The following USP9X variants were observed in gnomAD, a reference collection of about 807,000 sequenced individuals.
USP9X encodes the protein ubiquitin carboxyl-terminal hydrolase 9X.
USP9X carries 7 observed loss-of-function variants against 190.3 expected under a neutral mutation model. The observed-to-expected ratio is 0.04, with a 90% confidence interval of 0.02 to 0.07. USP9X has a LOEUF of 0.07. USP9X is among the 10% of genes least tolerant of loss of function. USP9X has a pLI of 1.00. For missense variants in USP9X, 1,010 were observed against 1,916.9 expected (o/e 0.53, Z 8.83); for synonymous variants, 645 against 659.5 (o/e 0.98, Z 0.34).
At chrX:41,186,896 G>A (rs764942364) in intron 24 of USP9X, among the ~76,000 whole-genome samples, 7 of 107,565 alleles carry the variant, frequency 6.5e-5, no homozygotes, top group African/African-American at 2.0e-4. Context: ...GTGCTATCTC[G>A]GCTCACTGCA....
At chrX:41,140,057 C>T (rs774281189) in intron 6 of USP9X, among the ~76,000 whole-genome samples, 1 of 112,014 alleles carries the variant, frequency 8.9e-6, no homozygotes, top group Non-Finnish European at 1.9e-5. Context: ...ACAGTTCATC[C>T]TGTTGCATGG....
chrX:41,151,842 G>A (rs1467483686), intron 13 of USP9X, among the ~76,000 whole-genome samples: 4 of 112,202 alleles, frequency 3.6e-5, no homozygotes, highest in East Asian at 2.8e-4. Context: ...TTAGCCGGGC[G>A]TGGTGGCATG....
intron 1 of USP9X, among the ~76,000 whole-genome samples, chrX:41,120,056 C>T: frequency 9.0e-6 from 1 of 111,672 alleles, no homozygotes; most frequent in Non-Finnish European, 1.9e-5. Context: ...TGTCTTTAGA[C>T]TCACCAGTAC....
intron 6 of USP9X, among the ~76,000 whole-genome samples, chrX:41,138,087 A>G (rs1164004076): frequency 3.6e-5 from 4 of 111,325 alleles, no homozygotes; most frequent in Admixed American, 9.6e-5. Context: ...CAAGAGTACA[A>G]TTTTTAAAAA....
At chrX:41,131,329 A>G (rs2062314431) in intron 3 of USP9X, 128 bp from the exon 4 acceptor site, 1 of 481,474 alleles carries the variant, frequency 2.1e-6, no homozygotes, top group Non-Finnish European at 3.1e-6. Context: ...TTGTCTTAAT[A>G]TTTTAATGTT....
At chrX:41,209,144 TATA>T (rs1212543643) in intron 32 of USP9X, among the ~76,000 whole-genome samples, 1 of 111,944 alleles carries the variant, frequency 8.9e-6, no homozygotes, top group African/African-American at 3.2e-5. Flanking sequence ...ATCCAAGTAA[TATA>T]ATAACGATTT....
chrX:41,225,056 A>T lies in USP9X; in HGVS notation c.6980A>T (p.Tyr2327Phe), dbSNP rs768106392. 8.3e-7 allele frequency: 1 copy of T among 1,211,641 alleles called. No homozygotes were observed. Among genetic ancestry groups the T allele is most frequent in the East Asian group, 3.0e-5 (1 of 33,860 alleles). Residue 2327 changes from tyrosine (Y) to phenylalanine (F), a missense_variant, in exon 41 of 45, where the codon TAT becomes TTT. This residue lies in a region of USP9X where 121 missense variants were observed against 281.2 expected (regional missense o/e 0.43). Transcript: ENST00000378308. Reference sequence around the variant, plus strand: ...TGTCTTACTTGTTTTTAGGTTGCATATTCCTATACCTATGAACTGCGGCCC... The same window carrying T: ...TGTCTTACTTGTTTTTAGGTTGCATTTTCCTATACCTATGAACTGCGGCCC... ...VLSELLWQVA[Y>F]SYTYELRPYL...
intron 21 of USP9X, among the ~76,000 whole-genome samples, chrX:41,181,155 A>G (rs1488710959): frequency 9.0e-6 from 1 of 111,700 alleles, no homozygotes; most frequent in East Asian, 2.8e-4. Flanking sequence ...GATAAACCAC[A>G]CAACATACCT....
intron 21 of USP9X, among the ~76,000 whole-genome samples, chrX:41,174,361 C>A (rs985382680): frequency 9.0e-6 from 1 of 111,537 alleles, no homozygotes; most frequent in East Asian, 2.8e-4. Flanking sequence ...ACCCCCACCC[C>A]CCATGGATAC....
At chrX:41,223,170 A>T (rs1377782441) in intron 38 of USP9X, 47 bp from the exon 39 acceptor site, 1 of 1,151,783 alleles carries the variant, frequency 8.7e-7, no homozygotes, top group Non-Finnish European at 1.2e-6. Context: ...TTTTCCTCAT[A>T]TTTTTCTCCC....
At chrX:41,093,143 T>C (rs998751699) in intron 1 of USP9X, among the ~76,000 whole-genome samples, 8 of 111,873 alleles carry the variant, frequency 7.2e-5, no homozygotes, top group Admixed American at 5.7e-4. Flanking sequence ...GCTGGGATTA[T>C]AGGCCTGAGC....
chrX:41,224,711 GT>G, intron 39 of USP9X, 30 bp from the exon 40 acceptor site: 1 of 1,117,606 alleles, frequency 8.9e-7, no homozygotes, highest in Non-Finnish European at 1.2e-6. Context: ...AAGCTTATTA[GT>G]TTTTTATTGG....
intron 24 of USP9X, 141 bp from the exon 25 acceptor site, chrX:41,187,850 AG>A: frequency 1.8e-6 from 1 of 541,413 alleles, no homozygotes. Flanking sequence ...TTTTTTTTTA[AG>A]ACAAAGGCAA....
At chrX:41,232,264 A>G in intron 44 of USP9X, 123 bp from the exon 45 acceptor site, 1 of 780,265 alleles carries the variant, frequency 1.3e-6, no homozygotes, top group South Asian at 3.9e-5. Flanking sequence ...TAGTAGTCCA[A>G]GGGTATTTAC....
intron 4 of USP9X, 112 bp downstream of exon 4, chrX:41,131,648 C>A: frequency 1.6e-6 from 1 of 614,209 alleles, no homozygotes; most frequent in Non-Finnish European, 2.4e-6. Flanking sequence ...ACACATACTG[C>A]AGCTTGCAAG....
intron 14 of USP9X, among the ~76,000 whole-genome samples, chrX:41,161,329 CTT>C (rs1158519140): frequency 1.7e-3 from 56 of 32,449 alleles, no homozygotes; most frequent in African/African-American, 5.6e-3. Flanking sequence ...GAATTCTTGC[CTT>C]TTTTTTTTTT....
intron 6 of USP9X, 52 bp downstream of exon 6, chrX:41,137,074 A>AC (rs1230741461): frequency 3.8e-6 from 4 of 1,056,323 alleles, no homozygotes; most frequent in Non-Finnish European, 5.2e-6. Flanking sequence ...TTTTGTTCTG[A>AC]CACAGAATCT....
chrX:41,089,909 T>G (rs1466633175), intron 1 of USP9X, among the ~76,000 whole-genome samples: 1 of 72,240 alleles, frequency 1.4e-5, no homozygotes, highest in Non-Finnish European at 2.6e-5. Flanking sequence ...GAGGGTTTTT[T>G]TTTTTTTTTT....
intron 1 of USP9X, among the ~76,000 whole-genome samples, chrX:41,118,466 C>A (rs1366866632): frequency 8.9e-6 from 1 of 111,929 alleles, no homozygotes; most frequent in Non-Finnish European, 1.9e-5. Flanking sequence ...AATTTCCTTT[C>A]TTTTTAAAAA....
Sources: gnomAD v4.1 joint callset for allele counts (sites outside exome capture counted in the v4.1 genomes callset) on GRCh38, gnomAD v4.1.1 for gene constraint, gnomAD v4.1.1 regional missense constraint, MANE v1.5 for transcripts, NCBI Gene and HGNC (gene_info 2026-07-23, HGNC 2026-07-21) for gene names.